Variants in TTC8 observed in about 807,000 individuals in gnomAD.
TTC8 encodes tetratricopeptide repeat protein 8.
TTC8 carries 47 observed loss-of-function variants against 72.5 expected under a neutral mutation model. The observed-to-expected ratio is 0.65, with a 90% CI of 0.51 to 0.83. The LOEUF (loss-of-function observed/expected upper bound fraction) is 0.83. TTC8 is among the 40% of genes least tolerant of loss of function. The pLI, the probability that TTC8 is intolerant of heterozygous loss-of-function variation, is 0.00. For missense variants in TTC8, 611 were observed against 623.2 expected, an observed-to-expected ratio of 0.98 and a Z score of 0.21; for synonymous variants, 199 against 221.4, an observed-to-expected ratio of 0.90 and a Z score of 0.90.
chr14:88,847,124 G>A (rs767840252), intron 7 of TTC8, among the ~76,000 whole-genome samples: 1 of 152,152 alleles, frequency 6.6e-6, no homozygotes, highest in Non-Finnish European at 1.5e-5. Context: ...AAGGGTAGGT[G>A]TGGCGAATCT....
chr14:88,876,990 T>C (rs982193094), intron 14 of TTC8, among the ~76,000 whole-genome samples: 4 of 152,176 alleles, frequency 2.6e-5, no homozygotes, highest in African/African-American at 9.6e-5. Context: ...AAAGAAAACA[T>C]AGGTTTCTAA....
At chr14:88,826,628 CG>C (rs1287059537) in intron 1 of TTC8, among the ~76,000 whole-genome samples, 1 of 152,068 alleles carries the variant, frequency 6.6e-6, no homozygotes, top group Non-Finnish European at 1.5e-5. Context: ...GGCGTGAACC[CG>C]GAAGGCGGAG....
upstream of TTC8, chr14:88,824,615 G>A: frequency 9.7e-7 from 1 of 1,035,642 alleles, no homozygotes. Context: ...CAGCCGTCGC[G>A]GGTTGCCGGG....
downstream of TTC8, chr14:88,878,320 A>C (rs1158962022): frequency 6.6e-6 from 1 of 152,200 alleles, no homozygotes; most frequent in Non-Finnish European, 1.5e-5. Flanking sequence ...CTCTTATTAA[A>C]GTGTTCACAC....
intron 1 of TTC8, among the ~76,000 whole-genome samples, chr14:88,831,636 C>T (rs997267094): frequency 6.0e-4 from 91 of 152,024 alleles, no homozygotes; most frequent in African/African-American, 2.1e-3. Context: ...TTATAAGGCT[C>T]ATGAACATGT....
chr14:88,858,879 G>A (rs1165682859), intron 9 of TTC8, among the ~76,000 whole-genome samples: 1 of 149,322 alleles, frequency 6.7e-6, no homozygotes, highest in Non-Finnish European at 1.5e-5. Flanking sequence ...TAGAATTACA[G>A]GTGTGAGCCA....
intron 1 of TTC8, among the ~76,000 whole-genome samples, chr14:88,825,966 T>A (rs2094697747): frequency 6.6e-6 from 1 of 152,118 alleles, no homozygotes; most frequent in Admixed American, 6.5e-5. Flanking sequence ...TCCAAGGTTT[T>A]TTTAAATTTT....
At chr14:88,847,622 G>GA (rs892672451) in intron 7 of TTC8, among the ~76,000 whole-genome samples, 204 of 151,840 alleles carry the variant, frequency 1.3e-3, no homozygotes, top group African/African-American at 4.8e-3. Context: ...CAATGAAGAA[G>GA]AAAAAAAATT....
In TTC8 at chr14:88,858,754, ATTTTTT is replaced by A. The variant is rs138871136; in HGVS notation, c.798+1500_798+1505del. Among the ~76,000 whole-genome samples the A allele has an allele frequency of 3.5e-5, 3 of 86,906 alleles. No homozygotes were observed. The Admixed American group carries it at 4.6e-4, about 13-fold the overall frequency. The allele number at this position is 86,906 out of a possible 152,430, so 57.0% of individuals were successfully genotyped here. On this transcript the variant is annotated intron_variant, in intron 9 of 14. Coordinates refer to ENST00000380656, the MANE Select transcript of TTC8 (RefSeq NM_144596.4). Reference sequence around the variant, plus strand: ...GACCACAGGCCACCATGCCTGGATAATTTTTTTTTTTTTTTTTTTTTTTTTTTTGGT... The same window carrying A: ...GACCACAGGCCACCATGCCTGGATAATTTTTTTTTTTTTTTTTTTTTTGGT...
rs2094808739 is a variant in TTC8, at chr14:88,846,762, A to G, written c.624+2912A>G. The stretch of plus-strand genomic sequence containing the variant: ...TGTAATTTTTACATATTATGTTAGT[A>G]TCATAGTTCTTCATGCATATGAACT... On this transcript the variant is annotated intron_variant, in intron 7 of 14. Transcript: ENST00000380656. 5.5e-6 allele frequency: 4 copies of G among 728,002 alleles called. No homozygotes were observed. In the South Asian group the frequency reaches 7.1e-5, roughly 13 times the overall value. 45.1% of individuals were successfully genotyped at this position (728,002 alleles called of 1,614,324 possible). A position where few individuals can be genotyped will look rare whatever the true frequency, so the allele number is the denominator to read the frequency against.
chr14:88,846,829 A>G (rs951124968), intron 7 of TTC8: 3 of 420,852 alleles, frequency 7.1e-6, no homozygotes, highest in Admixed American at 4.5e-5. Context: ...GTAACATTTA[A>G]ACTTTTTATT....
At chr14:88,839,772 C>A (rs565463036) in intron 3 of TTC8, among the ~76,000 whole-genome samples, 200 bp downstream of exon 3, 1 of 152,222 alleles carries the variant, frequency 6.6e-6, no homozygotes, top group South Asian at 2.1e-4. Context: ...TTTTTCCCCA[C>A]AATTCAGTTA....
At chr14:88,864,621 T>C (rs1595978480) in intron 10 of TTC8, among the ~76,000 whole-genome samples, 2 of 152,332 alleles carry the variant, frequency 1.3e-5, no homozygotes, top group East Asian at 1.9e-4. Flanking sequence ...AAGTTGACTG[T>C]ACACTTGAAG....
intron 13 of TTC8, among the ~76,000 whole-genome samples, chr14:88,873,092 C>T (rs1430845491): frequency 6.6e-6 from 1 of 152,228 alleles, no homozygotes; most frequent in Non-Finnish European, 1.5e-5. Flanking sequence ...AGTGCCTTCT[C>T]CTTCAACTTG....
chr14:88,857,555 A>G (rs1383658267), intron 9 of TTC8, among the ~76,000 whole-genome samples: 4 of 152,184 alleles, frequency 2.6e-5, no homozygotes, highest in Admixed American at 2.6e-4. Flanking sequence ...TCGCATAGGT[A>G]ACAGGCCCCA....
intron 8 of TTC8, among the ~76,000 whole-genome samples, chr14:88,855,940 T>C (rs2401777): frequency 1 from 152,248 of 152,332 alleles, 76,083 homozygotes; most frequent in Non-Finnish European, 1. Flanking sequence ...CAAAAGTTAG[T>C]CGGGCATAGT....
rs528423088 is a variant in TTC8 at position 88,869,499 on chromosome 14, GA to G, written c.910-549del. ...TCTCCTAATGGATTTCTCTCAACTA[GA>G]AAAAAAAAAATCTGAAGTTCTCACC... On this transcript the variant is annotated intron_variant, in intron 10 of 14. Transcript: ENST00000380656. Among the ~76,000 whole-genome samples the G allele has an allele frequency of 6.7e-3, 989 of 146,536 alleles. 13 individuals are homozygous for G. The highest frequency in any genetic ancestry group is 0.053 in the South Asian group (246 of 4,680).
intron 7 of TTC8, among the ~76,000 whole-genome samples, chr14:88,848,147 AAAG>A (rs1566842395): frequency 5.4e-5 from 8 of 147,438 alleles, no homozygotes; most frequent in East Asian, 2.0e-4. Context: ...AAAAAAAAAA[AAAG>A]CTGATCTTAA....
chr14:88,862,506 C>G (rs1272029075), intron 10 of TTC8, among the ~76,000 whole-genome samples: 3 of 120,146 alleles, frequency 2.5e-5, no homozygotes, highest in Admixed American at 9.1e-5. Context: ...AAAATTGATA[C>G]TGACATTACA....
Sources: allele counts gnomAD v4.1 joint callset (sites outside exome capture counted in the v4.1 genomes callset), GRCh38; gene constraint gnomAD v4.1.1; transcripts MANE v1.5; gene names NCBI Gene and HGNC (gene_info 2026-07-23, HGNC 2026-07-21).